Variants in EIF4H observed in about 807,000 individuals in gnomAD.
The protein encoded by EIF4H is Williams-Beuren syndrome chromosome region 1.
A neutral mutation model predicts 30.6 loss-of-function variants in EIF4H; 8 were observed. The ratio of observed to expected loss-of-function variants is 0.26; its 90% CI spans 0.15 to 0.47. The LOEUF (loss-of-function observed/expected upper bound fraction) is 0.47. Among genes scored for constraint, EIF4H ranks in the 20% least tolerant of loss-of-function variants. EIF4H has a pLI of 0.99. For synonymous variants in EIF4H, 106 were observed against 122.7 expected (o/e 0.86, Z 0.90); for missense variants, 188 against 339.5 (o/e 0.55, Z 3.51).
chr7:74,184,673 G>GTT (rs1801042911), intron 1 of EIF4H, among the ~76,000 whole-genome samples: 1 of 151,752 alleles, frequency 6.6e-6, no homozygotes, highest in Non-Finnish European at 1.5e-5. Context: ...TTTTGTTGTT[G>GTT]TTTTTTGTGC....
chr7:74,187,906 T>C (rs1439487192), intron 2 of EIF4H, 108 bp downstream of exon 2: 10 of 1,309,794 alleles, frequency 7.6e-6, no homozygotes, highest in Non-Finnish European at 1.0e-5. Flanking sequence ...ATCAAGAAAG[T>C]GTTTTAAACA....
chr7:74,195,827 T>C lies in EIF4H; in HGVS notation c.*519T>C, dbSNP rs569247953. The C allele has an allele frequency of 1.9e-5, 3 of 154,954 alleles. No individual in the cohort carries two copies. Among genetic ancestry groups the C allele is most frequent in the African/African-American group, 2.4e-5 (1 of 41,624 alleles). 9.6% of individuals were successfully genotyped at this position (154,954 alleles called of 1,614,324 possible). On this transcript the variant is annotated 3_prime_UTR_variant, in exon 7 of 7. Transcript: ENST00000265753. ...GGGAACAGCAGAGACCTTGTTGGTATTCAGCTGTGATGGATATAGAGAATC... is the reference window on the plus strand; with the variant it reads ...GGGAACAGCAGAGACCTTGTTGGTACTCAGCTGTGATGGATATAGAGAATC...
At chr7:74,179,112 A>G (rs1310210349) in intron 1 of EIF4H, among the ~76,000 whole-genome samples, 1 of 152,178 alleles carries the variant, frequency 6.6e-6, no homozygotes, top group Non-Finnish European at 1.5e-5. Flanking sequence ...GGATTCTCAT[A>G]CCTGCATCTG....
In EIF4H at chr7:74,189,879, G is replaced by T. The variant is rs782772097; in HGVS notation, c.370G>T (p.Gly124Cys). 6.2e-7 allele frequency: 1 copy of T among 1,614,228 alleles called. No homozygotes were observed. The highest frequency in any genetic ancestry group is 8.5e-7 in the Non-Finnish European group (1 of 1,180,050). Residue 124 changes from glycine (G) to cysteine (C), a missense_variant, in exon 4 of 7, where the codon GGT (glycine) becomes TGT (cysteine). Coordinates refer to ENST00000265753, the MANE Select transcript of EIF4H (RefSeq NM_022170.2). ...TGCAGAAGGCAGAAAACAAGATAAA[G>T]GTGGCTTTGGATTCAGAAAAGGTGG... Reference protein sequence around the residue: ...DIAEGRKQDKGGFGFRKGGPD... With the variant: ...DIAEGRKQDKCGFGFRKGGPD...
chr7:74,185,337 C>T (rs552842140), intron 1 of EIF4H, among the ~76,000 whole-genome samples: 5 of 152,248 alleles, frequency 3.3e-5, no homozygotes, highest in Admixed American at 1.3e-4. Flanking sequence ...TAAATAGTAT[C>T]TTACTGAAAA....
rs374107606 is a variant in EIF4H, at chr7:74,194,882, C to T, written c.607+4C>T. On this transcript the variant is annotated splice_donor_region_variant and intron_variant, in intron 6 of 6. Coordinates refer to ENST00000265753, the MANE Select transcript of EIF4H (RefSeq NM_022170.2). ...GATTTCAGAGAACCCACAGAAGGTA[C>T]GGGCTCATGTGTCAGTGGAGGGCAT... The T allele has an allele frequency of 1.6e-5, 26 of 1,584,138 alleles. No homozygotes were observed. The highest frequency in any genetic ancestry group is 5.4e-5 in the African/African-American group (4 of 74,322).
chr7:74,189,725 A>G lies in EIF4H; in HGVS notation c.300A>G (p.Thr100=), dbSNP rs1554709609. 4 of 1,614,244 alleles carry G rather than the reference A, an allele frequency of 2.5e-6. No individual in the cohort carries two copies. Among genetic ancestry groups the G allele is most frequent in the Non-Finnish European group, 3.4e-6 (4 of 1,180,046 alleles). ...TGGATTCCCTTAAGGAAGCCTTGAC[A>G]TACGATGGTGCAGTAAGTATCCTCG... ...DEVDSLKEAL[T]YDGALLGDRS... Residue 100 remains threonine, a synonymous_variant, in exon 3 of 7, where the codon ACA becomes ACG. Transcript: ENST00000265753.
chr7:74,186,703 G>A (rs1801086838), intron 1 of EIF4H, among the ~76,000 whole-genome samples: 1 of 149,036 alleles, frequency 6.7e-6, no homozygotes, highest in Non-Finnish European at 1.5e-5. Context: ...TTGCACGAGA[G>A]TGTTAGGTAC....
intron 1 of EIF4H, among the ~76,000 whole-genome samples, chr7:74,176,012 C>G (rs974187654): frequency 6.6e-6 from 1 of 152,092 alleles, no homozygotes; most frequent in Non-Finnish European, 1.5e-5. Flanking sequence ...CCATTTGCCC[C>G]AGGTGTACTC....
At chr7:74,175,707 C>G (rs1238000856) in intron 1 of EIF4H, among the ~76,000 whole-genome samples, 2 of 149,028 alleles carry the variant, frequency 1.3e-5, no homozygotes, top group Non-Finnish European at 3.0e-5. Flanking sequence ...CAAGTCATTT[C>G]GAAATTTAAT....
At chr7:74,187,143 G>T (rs545484456) in intron 1 of EIF4H, among the ~76,000 whole-genome samples, 3 of 152,066 alleles carry the variant, frequency 2.0e-5, no homozygotes, top group Non-Finnish European at 4.4e-5. Flanking sequence ...GGTGTGTTAC[G>T]TTTGGGCTGG....
intron 5 of EIF4H, 135 bp downstream of exon 5, chr7:74,190,441 C>G: frequency 1.2e-6 from 1 of 839,308 alleles, no homozygotes. Context: ...TGCAGGGTGC[C>G]CAGGCATGCA....
At chr7:74,193,288 C>G (rs1434662519) in intron 5 of EIF4H, among the ~76,000 whole-genome samples, 7 of 152,180 alleles carry the variant, frequency 4.6e-5, no homozygotes, top group African/African-American at 1.4e-4. Flanking sequence ...CTGAAACAGG[C>G]AGAGCATTAT....
At chr7:74,178,902 G>T (rs1210028285) in intron 1 of EIF4H, among the ~76,000 whole-genome samples, 1 of 152,238 alleles carries the variant, frequency 6.6e-6, no homozygotes, top group Non-Finnish European at 1.5e-5. Context: ...ACCTTCTGAA[G>T]GAGCTCAAGT....
chr7:74,174,487 C>T (rs1336712185), intron 1 of EIF4H, 45 bp downstream of exon 1: 1 of 1,339,324 alleles, frequency 7.5e-7, no homozygotes, highest in Non-Finnish European at 9.7e-7. Context: ...GCGGGACCGG[C>T]GGAGTCGGGG....
chr7:74,181,082 A>G (rs1303812545), intron 1 of EIF4H, among the ~76,000 whole-genome samples: 1 of 152,150 alleles, frequency 6.6e-6, no homozygotes, highest in Non-Finnish European at 1.5e-5. Flanking sequence ...GTACCTTCAT[A>G]GTGTTGTGTA....
chr7:74,187,822 T>G, intron 2 of EIF4H, 24 bp downstream of exon 2: 2 of 1,564,988 alleles, frequency 1.3e-6, no homozygotes, highest in Non-Finnish European at 8.7e-7. Flanking sequence ...ATTCTTATTG[T>G]ATATTACTGT....
intron 1 of EIF4H, among the ~76,000 whole-genome samples, chr7:74,176,868 T>C (rs1273729315): frequency 1.3e-5 from 2 of 152,230 alleles, no homozygotes; most frequent in African/African-American, 4.8e-5. Flanking sequence ...TGGACTTTGT[T>C]TTGCAGTTTG....
chr7:74,179,351 G>T (rs1800907067), intron 1 of EIF4H, among the ~76,000 whole-genome samples: 1 of 152,124 alleles, frequency 6.6e-6, no homozygotes, highest in Non-Finnish European at 1.5e-5. Context: ...TCATCATTTG[G>T]CTGGGCGCGG....
Sources: gnomAD v4.1 joint callset for allele counts (sites outside exome capture counted in the v4.1 genomes callset) on GRCh38, gnomAD v4.1.1 for gene constraint, MANE v1.5 for transcripts, NCBI Gene and HGNC (gene_info 2026-07-23, HGNC 2026-07-21) for gene names.